ERI1: variants seen among roughly 807,000 people sequenced by gnomAD.
The protein encoded by ERI1 is 3'-5' exoribonuclease 1.
A neutral mutation model predicts 39.7 loss-of-function variants in ERI1; 39 were observed. That is an observed-to-expected ratio of 0.98 (90% confidence interval 0.76 to 1.28). ERI1 has a LOEUF of 1.28. Among genes scored for constraint, ERI1 ranks in the 50% most tolerant of loss-of-function variants. The pLI, the probability that ERI1 is intolerant of heterozygous loss-of-function variation, is 0.00. For synonymous variants in ERI1, 204 were observed against 149.6 expected, an observed-to-expected ratio of 1.36 and a Z score of -2.65; for missense variants, 581 against 416.9, an observed-to-expected ratio of 1.39 and a Z score of -3.43.
chr8:9,010,806 T>C (rs1816587460), intron 2 of ERI1, among the ~76,000 whole-genome samples: 1 of 152,192 alleles, frequency 6.6e-6, no homozygotes, highest in African/African-American at 2.4e-5. Context: ...GGATGACCTT[T>C]CTCTCCTCCC....
chr8:9,029,256 C>G (rs1409224713), intron 6 of ERI1, among the ~76,000 whole-genome samples: 1 of 152,046 alleles, frequency 6.6e-6, no homozygotes, highest in Non-Finnish European at 1.5e-5. Flanking sequence ...TAAAAAACTG[C>G]AGAGTTTTTA....
At chr8:9,028,849 C>G (rs1009250706) in intron 6 of ERI1, among the ~76,000 whole-genome samples, 2 of 152,074 alleles carry the variant, frequency 1.3e-5, no homozygotes, top group African/African-American at 4.8e-5. Flanking sequence ...GTCTTGAACT[C>G]CTGACCTCAG....
At chr8:9,014,883 G>A (rs1817061478) in intron 3 of ERI1, among the ~76,000 whole-genome samples, 1 of 152,088 alleles carries the variant, frequency 6.6e-6, no homozygotes. Context: ...TGTCACCCAG[G>A]CTGGAGAGCA....
At position 9,031,839 on chromosome 8, in the gene ERI1, C is replaced by T. The variant is rs959541463; in HGVS notation, c.*1805C>T. 1 of 152,264 alleles carries T rather than the reference C, an allele frequency of 6.6e-6. No individual in the cohort carries two copies. The highest frequency in any genetic ancestry group is 2.4e-5 in the African/African-American group (1 of 41,430). The allele number at this position is 152,264 out of a possible 1,614,324, so 9.4% of individuals were successfully genotyped here. A position where few individuals can be genotyped will look rare whatever the true frequency, so the allele number is the denominator to read the frequency against. ...GTGGTGCGATCTTGGCTCACTGCAA[C>T]CTCCGCCTCCTGGGCTCAGGTGATC... On this transcript the variant is annotated 3_prime_UTR_variant, in exon 7 of 7. Coordinates refer to ENST00000250263, the MANE Select transcript of ERI1 (RefSeq NM_153332.4).
chr8:9,008,299 G>A, intron 2 of ERI1, 151 bp downstream of exon 2: 1 of 704,732 alleles, frequency 1.4e-6, no homozygotes, highest in Non-Finnish European at 2.2e-6. Context: ...CATTTTTTAT[G>A]TGCAACTCTG....
At chr8:9,065,109 T>A (rs1159794704) in intron 3 of ERI1, among the ~76,000 whole-genome samples, 1 of 152,048 alleles carries the variant, frequency 6.6e-6, no homozygotes, top group Admixed American at 6.6e-5. Context: ...TGGAATGTCA[T>A]TAGTTAAGGC....
intron 3 of ERI1, among the ~76,000 whole-genome samples, chr8:9,086,145 G>C (rs1424385757): frequency 6.6e-6 from 1 of 152,164 alleles, no homozygotes; most frequent in East Asian, 1.9e-4. Context: ...CAGGTGTGGT[G>C]GCTCACACCT....
At chr8:9,014,537 A>G (rs1030999997) in intron 3 of ERI1, among the ~76,000 whole-genome samples, 2 of 152,096 alleles carry the variant, frequency 1.3e-5, no homozygotes, top group African/African-American at 4.8e-5. Flanking sequence ...TAACTTACCT[A>G]ATTTATTTAA....
At chr8:9,013,324 TA>T (rs34377572) in intron 3 of ERI1, among the ~76,000 whole-genome samples, 53,383 of 137,456 alleles carry the variant, frequency 0.39, 11,581 homozygotes, top group East Asian at 0.67. Flanking sequence ...CATTCTCACT[TA>T]AAAAAAAAAA....
At chr8:9,087,954 A>C (rs1418368468) in intron 3 of ERI1, among the ~76,000 whole-genome samples, 1 of 152,244 alleles carries the variant, frequency 6.6e-6, no homozygotes, top group Non-Finnish European at 1.5e-5. Flanking sequence ...AATCCCAGGC[A>C]AACTGGGTCC....
rs776233381 is a variant in ERI1 at position 9,020,371 on chromosome 8, C to G, written c.714C>G (p.Phe238Leu). Residue 238 changes from phenylalanine (F) to leucine (L), a missense_variant, in exon 6 of 7, where the codon TTC becomes TTG. Phe to Leu is a conservative substitution (Grantham distance 22). Coordinates refer to ENST00000250263, the MANE Select transcript of ERI1 (RefSeq NM_153332.4). ...ATAGTTCTTGGGATATGAGTAAGTT[C>G]TTGAACATTCAGTGTCAACTCAGCA... ...LTDGSWDMSKFLNIQCQLSRL... is the reference protein window; with the variant it reads ...LTDGSWDMSKLLNIQCQLSRL... 4.8e-5 allele frequency: 76 copies of G among 1,592,934 alleles called. No individual in the cohort carries two copies. The highest frequency in any genetic ancestry group is 4.6e-5 in the Non-Finnish European group (54 of 1,171,816).
intron 3 of ERI1, among the ~76,000 whole-genome samples, chr8:9,075,858 G>T (rs1466272480): frequency 2.0e-5 from 3 of 152,108 alleles, no homozygotes; most frequent in Non-Finnish European, 4.4e-5. Flanking sequence ...GGCTGGTTTT[G>T]AACTCTTGGG....
chr8:9,010,225 G>C (rs1284229376), intron 2 of ERI1, among the ~76,000 whole-genome samples: 1 of 152,212 alleles, frequency 6.6e-6, no homozygotes, highest in East Asian at 1.9e-4. Flanking sequence ...AGAGCAACTA[G>C]TTGTATGTTT....
Position 9,020,475 on chromosome 8 carries a change from T to G in ERI1, c.807+11T>G. 1.4e-6 allele frequency: 2 copies of G among 1,475,890 alleles called. No homozygotes were observed. The highest frequency in any genetic ancestry group is 2.4e-5 in the South Asian group (2 of 82,264). 91.4% of individuals were successfully genotyped at this position (1,475,890 alleles called of 1,614,324 possible). A position where few individuals can be genotyped will look rare whatever the true frequency, so the allele number is the denominator to read the frequency against. On this transcript the variant is annotated intron_variant, in intron 6 of 6. Transcript: ENST00000250263. ...GGAAATTTTTACAAGGTAAAATTTC[T>G]ATATTTAATAATTACGTGGTTCTTA... is the stretch of plus-strand genomic sequence containing the variant.
intron 4 of ERI1, among the ~76,000 whole-genome samples, chr8:9,017,284 C>T (rs1817406860): frequency 6.6e-6 from 1 of 152,024 alleles, no homozygotes; most frequent in Non-Finnish European, 1.5e-5. Context: ...ACGTCAAGCC[C>T]TCCTCGGTCC....
Position 9,020,344 on chromosome 8 carries a change from T to A in ERI1, c.693-6T>A. 6.5e-7 allele frequency: 1 copy of A among 1,526,736 alleles called. No individual in the cohort carries two copies. 94.6% of individuals were successfully genotyped at this position (1,526,736 alleles called of 1,614,324 possible). On this transcript the variant is annotated splice_polypyrimidine_tract_variant and splice_region_variant and intron_variant, in intron 5 of 6. Transcript: ENST00000250263. Reference sequence around the variant, plus strand: ...CATCAATTTTTTGTCCTTTTTTAATTTATAGTTCTTGGGATATGAGTAAGT... The same window carrying A: ...CATCAATTTTTTGTCCTTTTTTAATATATAGTTCTTGGGATATGAGTAAGT...
chr8:9,098,986 C>A (rs536985905), intron 3 of ERI1, among the ~76,000 whole-genome samples: 1 of 151,978 alleles, frequency 6.6e-6, no homozygotes, highest in African/African-American at 2.4e-5. Flanking sequence ...GGCGCCCCCC[C>A]ACCACATCCG....
At chr8:9,075,787 T>G (rs1799191913) in intron 3 of ERI1, among the ~76,000 whole-genome samples, 1 of 152,142 alleles carries the variant, frequency 6.6e-6, no homozygotes, top group Admixed American at 6.5e-5. Context: ...AAGGGAAAAA[T>G]AATCTTAAAA....
At chr8:9,058,369 G>A (rs995794224) in intron 3 of ERI1, among the ~76,000 whole-genome samples, 1 of 152,148 alleles carries the variant, frequency 6.6e-6, no homozygotes, top group Non-Finnish European at 1.5e-5. Context: ...CATTTCCAGA[G>A]TTAAACCAGG....
Sources: allele counts gnomAD v4.1 joint callset (sites outside exome capture counted in the v4.1 genomes callset), GRCh38; gene constraint gnomAD v4.1.1; transcripts MANE v1.5; gene names NCBI Gene and HGNC (gene_info 2026-07-23, HGNC 2026-07-21).